Variants in PPP3CA observed in about 807,000 individuals in gnomAD.
PPP3CA encodes the protein CAM-PRP catalytic subunit.
A neutral mutation model predicts 66.5 loss-of-function variants in PPP3CA; 14 were observed. The observed-to-expected ratio is 0.21, with a 90% confidence interval of 0.14 to 0.33. PPP3CA has a LOEUF of 0.33. PPP3CA is among the 10% of genes least tolerant of loss of function. The pLI, the probability that PPP3CA is intolerant of heterozygous loss-of-function variation, is 1.00. For missense variants in PPP3CA, 317 were observed against 639.5 expected, an observed-to-expected ratio of 0.50 and a Z score of 5.44; for synonymous variants, 232 against 226.2, an observed-to-expected ratio of 1.03 and a Z score of -0.23.
At chr4:101,293,230 G>T (rs949374318) in intron 1 of PPP3CA, among the ~76,000 whole-genome samples, 1 of 152,052 alleles carries the variant, frequency 6.6e-6, no homozygotes, top group Non-Finnish European at 1.5e-5. Context: ...CCTACCCTTC[G>T]TTTTCTCCTC....
chr4:101,316,282 T>C (rs1464990693), intron 1 of PPP3CA, among the ~76,000 whole-genome samples: 2 of 151,372 alleles, frequency 1.3e-5, no homozygotes, highest in African/African-American at 4.9e-5. Flanking sequence ...CTCCAATTTA[T>C]TCATAATATA....
At chr4:101,277,818 C>A (rs1727550393) in intron 1 of PPP3CA, among the ~76,000 whole-genome samples, 2 of 152,058 alleles carry the variant, frequency 1.3e-5, no homozygotes, top group African/African-American at 2.4e-5. Context: ...TGTCAGTGGT[C>A]TAAGAGTGTT....
chr4:101,153,141 G>A (rs1723197637), intron 2 of PPP3CA, among the ~76,000 whole-genome samples: 1 of 152,172 alleles, frequency 6.6e-6, no homozygotes, highest in African/African-American at 2.4e-5. Flanking sequence ...GGACGGTAAA[G>A]TGTTTGGATT....
intron 5 of PPP3CA, among the ~76,000 whole-genome samples, chr4:101,095,935 G>A (rs1166572333): frequency 3.3e-5 from 5 of 152,018 alleles, no homozygotes; most frequent in African/African-American, 9.7e-5. Flanking sequence ...CAGGCGTGAG[G>A]CACCATGCTT....
chr4:101,198,345 C>T (rs1466507449), intron 1 of PPP3CA, among the ~76,000 whole-genome samples: 1 of 152,180 alleles, frequency 6.6e-6, no homozygotes. Flanking sequence ...TACCTGGCAA[C>T]TCCCCCAAAT....
In PPP3CA at chr4:101,285,519, C is replaced by A. The variant is rs74732687; in HGVS notation, c.58+61220G>T. ...CATTGCACAAGCCGGTGTCCCACAT[C>A]ATCTGAAACAAAGAGATACATTTCA... On this transcript the variant is annotated intron_variant, in intron 1 of 13. Coordinates refer to ENST00000394854, the MANE Select transcript of PPP3CA (RefSeq NM_000944.5). 5.5e-3 allele frequency among the ~76,000 whole-genome samples: 841 copies of A among 151,690 alleles called. 29 individuals are homozygous for A. The East Asian group carries it at 0.11, about 19-fold the overall frequency.
chr4:101,250,649 G>A (rs981041245), intron 1 of PPP3CA, among the ~76,000 whole-genome samples: 1 of 152,060 alleles, frequency 6.6e-6, no homozygotes, highest in African/African-American at 2.4e-5. Flanking sequence ...GATTAAAACT[G>A]TAACTTTTAC....
rs142606877 is a variant in PPP3CA, at chr4:101,209,604, G to A, written c.59-13488C>T. On this transcript the variant is annotated intron_variant, in intron 1 of 13. Transcript: ENST00000394854. Reference sequence around the variant, plus strand: ...TGTAAGATTGATGTATTTTATTTATGCACATAATTTTCCTATTCCAGATGC... The same window carrying A: ...TGTAAGATTGATGTATTTTATTTATACACATAATTTTCCTATTCCAGATGC... Among the ~76,000 whole-genome samples the A allele has an allele frequency of 3.5e-3, 529 of 152,218 alleles. 2 individuals are homozygous for A. The highest frequency in any genetic ancestry group is 0.012 in the African/African-American group (500 of 41,540).
At chr4:101,077,885 T>C (rs1304351591) in intron 8 of PPP3CA, among the ~76,000 whole-genome samples, 7 of 149,860 alleles carry the variant, frequency 4.7e-5, no homozygotes, top group Non-Finnish European at 1.0e-4. Flanking sequence ...AAAGAAGAAA[T>C]AGACACCTTA....
intron 1 of PPP3CA, among the ~76,000 whole-genome samples, chr4:101,255,545 A>G (rs1298723311): frequency 6.6e-6 from 1 of 151,676 alleles, no homozygotes; most frequent in Non-Finnish European, 1.5e-5. Context: ...CTCCTCTCTA[A>G]TATTTTATTA....
chr4:101,101,120 C>T (rs1730421122), intron 3 of PPP3CA, among the ~76,000 whole-genome samples: 2 of 152,080 alleles, frequency 1.3e-5, no homozygotes, highest in African/African-American at 4.8e-5. Flanking sequence ...CTAATTACCA[C>T]TTTCTGATTA....
At chr4:101,326,702 A>C (rs1229574601) in intron 1 of PPP3CA, among the ~76,000 whole-genome samples, 1 of 152,206 alleles carries the variant, frequency 6.6e-6, no homozygotes, top group Non-Finnish European at 1.5e-5. Flanking sequence ...GACAACACAA[A>C]TCAACTAAGG....
At chr4:101,121,787 C>A (rs1023987950) in intron 2 of PPP3CA, among the ~76,000 whole-genome samples, 3 of 152,080 alleles carry the variant, frequency 2.0e-5, no homozygotes, top group Admixed American at 6.5e-5. Context: ...AACTGATTTT[C>A]TCAAGGAACA....
intron 1 of PPP3CA, among the ~76,000 whole-genome samples, chr4:101,251,771 T>G (rs981049488): frequency 6.6e-6 from 1 of 152,150 alleles, no homozygotes; most frequent in Non-Finnish European, 1.5e-5. Context: ...AGAGATGAAG[T>G]GTACACTGCG....
chr4:101,276,414 TA>T (rs1012307788), intron 1 of PPP3CA, among the ~76,000 whole-genome samples: 33 of 152,330 alleles, frequency 2.2e-4, no homozygotes, highest in African/African-American at 5.1e-4. Flanking sequence ...AAAACTATAT[TA>T]TTTTTTTCTG....
At chr4:101,199,471 T>C (rs1198344032) in intron 1 of PPP3CA, among the ~76,000 whole-genome samples, 1 of 152,230 alleles carries the variant, frequency 6.6e-6, no homozygotes. Flanking sequence ...AACAATTTTT[T>C]TTGTAACTGC....
intron 2 of PPP3CA, among the ~76,000 whole-genome samples, chr4:101,175,480 C>A (rs74535591): frequency 0.013 from 2,001 of 152,276 alleles, 37 homozygotes; most frequent in African/African-American, 0.045. Context: ...GTCCACCATT[C>A]CTTTCAACAT....
At chr4:101,068,458 T>C (rs1456050475) in intron 8 of PPP3CA, among the ~76,000 whole-genome samples, 2 of 150,180 alleles carry the variant, frequency 1.3e-5, no homozygotes, top group Admixed American at 1.3e-4. Flanking sequence ...ATTATGCTGG[T>C]ATGCTGCATG....
At chr4:101,138,450 A>G (rs986362678) in intron 2 of PPP3CA, among the ~76,000 whole-genome samples, 6 of 152,212 alleles carry the variant, frequency 3.9e-5, no homozygotes, top group African/African-American at 1.4e-4. Flanking sequence ...AATGGTAGCT[A>G]TTATTACAGG....
Sources: allele counts gnomAD v4.1 joint callset (sites outside exome capture counted in the v4.1 genomes callset), GRCh38; gene constraint gnomAD v4.1.1; transcripts MANE v1.5; gene names NCBI Gene and HGNC (gene_info 2026-07-23, HGNC 2026-07-21).